The following GC variants were observed in gnomAD, a reference collection of about 807,000 sequenced individuals.
GC encodes GC vitamin D binding protein.
In GC, 43 loss-of-function variants were observed where a neutral mutation model predicts 56.7. The ratio of observed to expected loss-of-function variants is 0.76; its 90% CI spans 0.59 to 0.98. GC has a LOEUF of 0.98. Ranked by LOEUF, GC falls within the 50% of genes least tolerant of loss-of-function variation. The pLI, the probability that GC is intolerant of heterozygous loss-of-function variation, is 0.00. For synonymous variants in GC, 216 were observed against 202.7 expected (o/e 1.07, Z -0.56); for missense variants, 529 against 545.9 (o/e 0.97, Z 0.31).
upstream of GC, among the ~76,000 whole-genome samples, chr4:71,785,414 C>A (rs1234517728): frequency 1.3e-5 from 2 of 151,720 alleles, no homozygotes; most frequent in Non-Finnish European, 2.9e-5. Flanking sequence ...ACTTCATTAT[C>A]AACTCAGTAG....
At chr4:71,764,038 A>G (rs1742074859) in intron 4 of GC, 102 bp from the exon 5 acceptor site, 10 of 865,520 alleles carry the variant, frequency 1.2e-5, no homozygotes, top group South Asian at 3.1e-5. Flanking sequence ...GCTGGAGTAC[A>G]TGGTATAATC....
chr4:71,798,004 T>A (rs1056239247), intron 1 of GC, among the ~76,000 whole-genome samples: 4 of 152,224 alleles, frequency 2.6e-5, no homozygotes, highest in African/African-American at 9.6e-5. Flanking sequence ...CTTGATATTA[T>A]CCCATGTGTG....
At chr4:71,751,299 T>G (rs2149294359) in intron 11 of GC, among the ~76,000 whole-genome samples, 1 of 152,140 alleles carries the variant, frequency 6.6e-6, no homozygotes, top group Non-Finnish European at 1.5e-5. Context: ...ATAGCTCAGG[T>G]CTACTAACAA....
chr4:71,763,795 G>A lies in GC; in HGVS notation c.606+9C>T, dbSNP rs755005064. ...AACGTAAACATATAATAAGTAAAAT[G>A]GGACATACCTCTTTCAAAAAGCATA... On this transcript the variant is annotated intron_variant, in intron 5 of 12. Transcript: ENST00000273951. 1 of 1,599,256 alleles carries A rather than the reference G, an allele frequency of 6.3e-7. No homozygotes were observed. The highest frequency in any genetic ancestry group is 1.8e-5 in the Admixed American group (1 of 56,898).
intron 9 of GC, among the ~76,000 whole-genome samples, chr4:71,754,742 C>T (rs1016236869): frequency 6.6e-6 from 1 of 152,174 alleles, no homozygotes; most frequent in Non-Finnish European, 1.5e-5. Context: ...GATTGTGTCC[C>T]AGTGGAAGTT....
intron 1 of GC, among the ~76,000 whole-genome samples, chr4:71,783,677 C>T (rs1306702240): frequency 6.6e-6 from 1 of 151,638 alleles, no homozygotes; most frequent in Non-Finnish European, 1.5e-5. Flanking sequence ...AAATTATTCT[C>T]TCTAGGTCTT....
intron 1 of GC, among the ~76,000 whole-genome samples, chr4:71,775,309 T>C (rs1024967109): frequency 5.7e-4 from 87 of 151,908 alleles, no homozygotes; most frequent in African/African-American, 1.9e-3. Flanking sequence ...TTCTGGACAT[T>C]CCCATAAAAG....
In GC at chr4:71,751,098, A is replaced by G. The variant is rs145438426; in HGVS notation, c.1395+1420T>C. Among the ~76,000 whole-genome samples, 536 of 152,312 alleles carry G rather than the reference A, an allele frequency of 3.5e-3. 3 individuals are homozygous for G. Among genetic ancestry groups the G allele is most frequent in the Admixed American group, 0.013 (202 of 15,296 alleles). On this transcript the variant is annotated intron_variant, in intron 11 of 12. Transcript: ENST00000273951. ...TAAAGTGAAATGAAGTGCTGTTTTT[A>G]TCTTTTGACTCTTCTAAAAAAATGA... is the stretch of plus-strand genomic sequence containing the variant.
intron 2 of GC, among the ~76,000 whole-genome samples, chr4:71,769,029 G>A (rs774144371): frequency 6.6e-6 from 1 of 152,138 alleles, no homozygotes; most frequent in Non-Finnish European, 1.5e-5. Context: ...TGGTTTCCCA[G>A]ATTCCTAGAA....
At chr4:71,802,848 C>T (rs751030238) in intron 1 of GC, among the ~76,000 whole-genome samples, 5 of 152,092 alleles carry the variant, frequency 3.3e-5, no homozygotes, top group Non-Finnish European at 5.9e-5. Flanking sequence ...CATTGTAAGT[C>T]AAAAGTGTGC....
chr4:71,758,393 G>A (rs1210833744), intron 6 of GC, among the ~76,000 whole-genome samples: 1 of 152,112 alleles, frequency 6.6e-6, no homozygotes, highest in Non-Finnish European at 1.5e-5. Flanking sequence ...GTACCCAAAT[G>A]CAGCTTCTCT....
At chr4:71,752,068 C>T (rs1553946935) in intron 11 of GC, among the ~76,000 whole-genome samples, 1 of 151,946 alleles carries the variant, frequency 6.6e-6, no homozygotes, top group Non-Finnish European at 1.5e-5. Context: ...ATCTACCTGC[C>T]TATATATGCA....
intron 3 of GC, among the ~76,000 whole-genome samples, chr4:71,766,728 A>C (rs1040978413): frequency 1.3e-5 from 2 of 152,174 alleles, no homozygotes; most frequent in Non-Finnish European, 2.9e-5. Flanking sequence ...GTTAAAAATT[A>C]GACTCTTTTT....
chr4:71,771,274 T>G (rs1742332584), intron 1 of GC, among the ~76,000 whole-genome samples: 1 of 152,066 alleles, frequency 6.6e-6, no homozygotes, highest in Admixed American at 6.6e-5. Context: ...TGGGTGGAAA[T>G]TTCTATTTGA....
At chr4:71,768,278 G>A in intron 3 of GC, 23 bp downstream of exon 3, 5 of 1,564,800 alleles carry the variant, frequency 3.2e-6, no homozygotes, top group Non-Finnish European at 4.3e-6. Flanking sequence ...CTGCCACAGA[G>A]ACGGCCAGCC....
intron 12 of GC, among the ~76,000 whole-genome samples, chr4:71,744,195 C>A (rs181982795): frequency 2.0e-5 from 3 of 151,408 alleles, no homozygotes; most frequent in African/African-American, 7.3e-5. Flanking sequence ...GTAATCCCAG[C>A]ACTTCAGGAG....
intron 1 of GC, among the ~76,000 whole-genome samples, chr4:71,803,052 G>A (rs1327950463): frequency 2.0e-5 from 3 of 152,192 alleles, no homozygotes; most frequent in African/African-American, 7.2e-5. Context: ...AAGGGATCTG[G>A]TGAACTTACA....
chr4:71,763,870 C>G lies in GC; in HGVS notation c.540G>C (p.Lys180Asn). The change falls in exon 5 of 13, where the codon AAG becomes AAC. Residue 180 changes from lysine (K) to asparagine (N), a missense_variant. Lys to Asn is a moderately conservative substitution (Grantham distance 94). Transcript: ENST00000273951. ...APLSLLVSYT[K>N]SYLSMVGSCC... ...AGGACCCTACCATAGAAAGATAACTCTTGGTGTAACTGACTAAAAGTGACA... is the reference window on the plus strand; with the variant it reads ...AGGACCCTACCATAGAAAGATAACTGTTGGTGTAACTGACTAAAAGTGACA... 1.2e-6 allele frequency: 2 copies of G among 1,608,864 alleles called. No individual in the cohort carries two copies. The highest frequency in any genetic ancestry group is 1.7e-6 in the Non-Finnish European group (2 of 1,175,230).
intron 11 of GC, among the ~76,000 whole-genome samples, chr4:71,746,635 G>A (rs183622807): frequency 1.3e-5 from 2 of 151,900 alleles, no homozygotes; most frequent in Admixed American, 1.3e-4. Context: ...ATGTGCAAAG[G>A]CCTTGAGGTA....
Sources: allele counts gnomAD v4.1 joint callset (sites outside exome capture counted in the v4.1 genomes callset), GRCh38; gene constraint gnomAD v4.1.1; transcripts MANE v1.5; gene names NCBI Gene and HGNC (gene_info 2026-07-23, HGNC 2026-07-21).